STK3: variants seen among roughly 807,000 people sequenced by gnomAD.
STK3 encodes serine/threonine kinase 3, also known as serine/threonine-protein kinase 3.
STK3 carries 41 observed loss-of-function variants against 58.0 expected under a neutral mutation model. The ratio of observed to expected loss-of-function variants is 0.71; its 90% CI spans 0.55 to 0.92. The LOEUF is 0.92. Among genes scored for constraint, STK3 ranks in the 40% least tolerant of loss-of-function variants. The pLI, the probability that STK3 is intolerant of heterozygous loss-of-function variation, is 0.00. For synonymous variants in STK3, 170 were observed against 191.0 expected (o/e 0.89, Z 0.91); for missense variants, 479 against 602.7 (o/e 0.79, Z 2.15).
chr8:98,361,812 G>A, the STK3 span, among the ~76,000 whole-genome samples: 11 of 152,332 alleles, frequency 7.2e-5, no homozygotes, highest in South Asian at 6.2e-4. Flanking sequence ...AGGTTGGAGA[G>A]AGCTGCAGGG....
chr8:98,710,723 T>G (rs1235415162), intron 4 of STK3, among the ~76,000 whole-genome samples: 1 of 152,160 alleles, frequency 6.6e-6, no homozygotes, highest in African/African-American at 2.4e-5. Flanking sequence ...GGGCAGGGCA[T>G]AGCCAAACAA....
chr8:98,633,858 A>C, intron 6 of STK3: 1 of 409,846 alleles, frequency 2.4e-6, no homozygotes, highest in Non-Finnish European at 4.6e-6. Context: ...AGTCATCAAA[A>C]AACCCCAGGC....
intron 8 of STK3, among the ~76,000 whole-genome samples, chr8:98,567,079 GATACAC>G (rs1812538543): frequency 6.6e-6 from 1 of 152,190 alleles, no homozygotes; most frequent in Admixed American, 6.5e-5. Flanking sequence ...TGACTTAACA[GATACAC>G]ATGTTAAGTC....
intron 9 of STK3, among the ~76,000 whole-genome samples, chr8:98,541,735 C>T (rs1810296157): frequency 6.6e-6 from 1 of 152,154 alleles, no homozygotes; most frequent in African/African-American, 2.4e-5. Flanking sequence ...CATGAAAGAC[C>T]TTGTCAAATA....
intron 1 of STK3, among the ~76,000 whole-genome samples, chr8:98,917,716 T>G (rs552690685): frequency 6.6e-6 from 1 of 152,274 alleles, no homozygotes; most frequent in African/African-American, 2.4e-5. Context: ...GTCTATGGTA[T>G]TCTGTTATAA....
intron 10 of STK3, among the ~76,000 whole-genome samples, chr8:98,483,760 T>A (rs761990468): frequency 9.9e-5 from 15 of 152,208 alleles, no homozygotes; most frequent in Admixed American, 3.9e-4. Flanking sequence ...AAAGGTGGGA[T>A]AACCAATTTA....
intron 6 of STK3, among the ~76,000 whole-genome samples, chr8:98,618,846 T>G (rs998589871): frequency 2.0e-5 from 3 of 150,172 alleles, no homozygotes; most frequent in Non-Finnish European, 4.4e-5. Flanking sequence ...CATTCCATGC[T>G]CATGGGTAGG....
chr8:98,824,469 C>T (rs1212896901), intron 1 of STK3, among the ~76,000 whole-genome samples: 1 of 152,136 alleles, frequency 6.6e-6, no homozygotes, highest in African/African-American at 2.4e-5. Context: ...AAAAAAGTGC[C>T]CAATTCTCTT....
At chr8:98,774,954 C>T (rs1472203496) in intron 1 of STK3, 135 bp from the exon 2 acceptor site, 3 of 521,206 alleles carry the variant, frequency 5.8e-6, no homozygotes, top group Non-Finnish European at 6.5e-6. Context: ...TAAAAACATA[C>T]ATAGTAAACA....
At chr8:98,754,902 AC>A (rs1408001348) in intron 3 of STK3, among the ~76,000 whole-genome samples, 2 of 152,230 alleles carry the variant, frequency 1.3e-5, no homozygotes, top group African/African-American at 4.8e-5. Context: ...TGAAAAGCAT[AC>A]AAAAAAATGT....
At chr8:98,715,495 A>C (rs1157566355) in intron 4 of STK3, among the ~76,000 whole-genome samples, 1 of 152,224 alleles carries the variant, frequency 6.6e-6, no homozygotes, top group African/African-American at 2.4e-5. Context: ...ACTTCTCAAA[A>C]GAAGACACTT....
intron 1 of STK3, among the ~76,000 whole-genome samples, chr8:98,809,548 T>C (rs928397984): frequency 6.6e-6 from 1 of 152,242 alleles, no homozygotes; most frequent in Non-Finnish European, 1.5e-5. Context: ...TTCTACTTTC[T>C]GTTTCTATGA....
At position 98,850,153 on chromosome 8, in the gene STK3, C is replaced by G. The variant is rs371855000; in HGVS notation, c.110+33494G>C. Among the ~76,000 whole-genome samples the G allele has an allele frequency of 1.5e-3, 226 of 151,682 alleles. 5 individuals are homozygous for G. The South Asian group carries it at 0.046, about 31-fold the overall frequency. On this transcript the variant is annotated intron_variant, in intron 3 of 12. Coordinates refer to the STK3 transcript ENST00000523601. ...TGTGTAGATTTAAAAAAATGATTTA[C>G]GTATTTATTATTTATTTAATTAATT...
intron 4 of STK3, among the ~76,000 whole-genome samples, chr8:98,723,604 G>A (rs1827593786): frequency 6.6e-6 from 1 of 152,022 alleles, no homozygotes; most frequent in Non-Finnish European, 1.5e-5. Context: ...TTTCTAATAA[G>A]TCTTTCGCAA....
chr8:98,707,146 C>T lies in STK3; in HGVS notation c.516+1G>A. ...TTAGAAAACCATTAAAGTTAACTTA[C>T]TGTTAACTGACCAGCCACTCCAAAA... On this transcript the variant is annotated splice_donor_variant, in intron 5 of 10. Coordinates refer to ENST00000419617, the MANE Select transcript of STK3 (RefSeq NM_006281.4). LOFTEE classifies it high-confidence loss of function. The T allele has an allele frequency of 6.2e-7, 1 of 1,604,924 alleles. No individual in the cohort carries two copies. Among genetic ancestry groups the T allele is most frequent in the Non-Finnish European group, 8.5e-7 (1 of 1,177,840 alleles).
chr8:98,624,221 T>C (rs1818543444), intron 6 of STK3, among the ~76,000 whole-genome samples: 1 of 152,198 alleles, frequency 6.6e-6, no homozygotes, highest in Non-Finnish European at 1.5e-5. Context: ...AGTTACATAA[T>C]TGCAGTTAAG....
intron 4 of STK3, among the ~76,000 whole-genome samples, chr8:98,720,156 C>T (rs1021743669): frequency 1.3e-5 from 2 of 152,022 alleles, no homozygotes; most frequent in African/African-American, 2.4e-5. Flanking sequence ...CTTTAAACAA[C>T]AATAAACAGG....
intron 1 of STK3, among the ~76,000 whole-genome samples, chr8:98,805,443 C>T (rs1440116023): frequency 2.6e-5 from 4 of 151,994 alleles, no homozygotes; most frequent in Non-Finnish European, 5.9e-5. Context: ...GGCATGGTGG[C>T]GGGTGCCTGT....
At chr8:98,362,594 G>A in the STK3 span, among the ~76,000 whole-genome samples, 9 of 152,320 alleles carry the variant, frequency 5.9e-5, no homozygotes, top group South Asian at 1.0e-3. Flanking sequence ...GCTGATTCCC[G>A]AGGTGGATTG....
Sources: gnomAD v4.1 joint callset for allele counts (sites outside exome capture counted in the v4.1 genomes callset) on GRCh38, gnomAD v4.1.1 for gene constraint, MANE v1.5 for transcripts, NCBI Gene and HGNC (gene_info 2026-07-23, HGNC 2026-07-21) for gene names.